Variants in FRMD4A observed in about 807,000 individuals in gnomAD.
FRMD4A encodes the protein FERM domain containing 4A.
FRMD4A carries 29 observed loss-of-function variants against 129.1 expected under a neutral mutation model. That is an observed-to-expected ratio of 0.22 (90% confidence interval 0.17 to 0.31). The LOEUF is 0.31. FRMD4A is among the 10% of genes least tolerant of loss of function. FRMD4A has a pLI of 1.00. For missense variants in FRMD4A, 1,272 were observed against 1,375.8 expected, an observed-to-expected ratio of 0.92 and a Z score of 1.19; for synonymous variants, 634 against 571.6, an observed-to-expected ratio of 1.11 and a Z score of -1.56.
chr10:14,294,314 G>T (rs188504006), intron 2 of FRMD4A, among the ~76,000 whole-genome samples: 22 of 152,246 alleles, frequency 1.4e-4, no homozygotes, highest in South Asian at 2.1e-4. Context: ...AAAACTCAAG[G>T]TCTCACAGAC....
At chr10:13,714,055 T>TATATATATATATATATATATAA (rs2088509358) in intron 12 of FRMD4A, among the ~76,000 whole-genome samples, 1 of 116,692 alleles carries the variant, frequency 8.6e-6, no homozygotes. Context: ...TATATATATA[T>TATATATATATATATATATATAA]ATATAAAATA....
chr10:13,657,643 C>A (rs541366545), intron 21 of FRMD4A, 121 bp from the exon 22 acceptor site: 2 of 1,362,178 alleles, frequency 1.5e-6, no homozygotes, highest in Non-Finnish European at 1.9e-6. Flanking sequence ...AGGCCCCAGC[C>A]CAGCAAGCCA....
chr10:13,824,321 CA>C (rs397721588), intron 3 of FRMD4A, among the ~76,000 whole-genome samples: 9,553 of 99,024 alleles, frequency 0.096, 362 homozygotes, highest in East Asian at 0.15. Flanking sequence ...ACTAAAAATA[CA>C]AAAAAAAAAA....
chr10:14,185,625 C>T (rs576902525), intron 2 of FRMD4A, among the ~76,000 whole-genome samples: 3 of 151,714 alleles, frequency 2.0e-5, no homozygotes, highest in Admixed American at 6.6e-5. Flanking sequence ...GGGATATATA[C>T]TTCATGGTCA....
At chr10:13,958,180 G>T (rs780725399) in intron 2 of FRMD4A, among the ~76,000 whole-genome samples, 5 of 150,736 alleles carry the variant, frequency 3.3e-5, no homozygotes, top group Non-Finnish European at 5.9e-5. Context: ...CTATCCTTTT[G>T]TGTTTCTTTC....
chr10:13,750,748 T>G (rs2091578716), intron 8 of FRMD4A, among the ~76,000 whole-genome samples: 1 of 152,186 alleles, frequency 6.6e-6, no homozygotes, highest in South Asian at 2.1e-4. Context: ...GTTCAGCCTC[T>G]CCTGGGTTTG....
chr10:13,906,788 T>C (rs565138846), intron 2 of FRMD4A, among the ~76,000 whole-genome samples: 13 of 152,326 alleles, frequency 8.5e-5, no homozygotes, highest in East Asian at 1.9e-4. Flanking sequence ...ACCAAGTGTA[T>C]GCTCCTTGCC....
chr10:13,946,338 C>A (rs571430979), intron 2 of FRMD4A, among the ~76,000 whole-genome samples: 1 of 152,326 alleles, frequency 6.6e-6, no homozygotes, highest in African/African-American at 2.4e-5. Flanking sequence ...GAATCCCTGT[C>A]CCTACCTCAG....
At chr10:13,670,372 T>C (rs1589290281) in intron 17 of FRMD4A, 34 bp downstream of exon 17, 1 of 1,606,916 alleles carries the variant, frequency 6.2e-7, no homozygotes, top group Middle Eastern at 1.7e-4. Context: ...AAGGATAACA[T>C]GAGAGAATCC....
intron 2 of FRMD4A, among the ~76,000 whole-genome samples, chr10:14,121,269 TAGAC>T (rs1838497285): frequency 6.6e-6 from 1 of 152,070 alleles, no homozygotes; most frequent in African/African-American, 2.4e-5. Context: ...TTGGAAGGCT[TAGAC>T]AGGAGAATTG....
intron 5 of FRMD4A, among the ~76,000 whole-genome samples, chr10:13,790,574 TAGTGCCAC>T (rs1169810307): frequency 6.6e-6 from 1 of 151,974 alleles, no homozygotes; most frequent in Non-Finnish European, 1.5e-5. Context: ...CAGGAGAGTG[TAGTGCCAC>T]AGAGCCGGGG....
At chr10:14,112,535 C>T (rs1272518970) in intron 2 of FRMD4A, among the ~76,000 whole-genome samples, 5 of 152,188 alleles carry the variant, frequency 3.3e-5, no homozygotes, top group African/African-American at 9.6e-5. Context: ...AAACTTTCTT[C>T]CTTTTTTTGA....
chr10:14,130,766 C>T (rs909122080), intron 2 of FRMD4A, among the ~76,000 whole-genome samples: 1 of 152,134 alleles, frequency 6.6e-6, no homozygotes, highest in Non-Finnish European at 1.5e-5. Context: ...GTGCCTATAT[C>T]GGTAAATACG....
At chr10:14,149,755 G>C (rs1032944746) in intron 2 of FRMD4A, among the ~76,000 whole-genome samples, 2 of 152,224 alleles carry the variant, frequency 1.3e-5, no homozygotes, top group African/African-American at 4.8e-5. Context: ...GAGATGGGCT[G>C]TGACTATCAG....
chr10:13,904,255 AC>A (rs33987496), intron 2 of FRMD4A, among the ~76,000 whole-genome samples: 137,802 of 152,054 alleles, frequency 0.91, 62,496 homozygotes, highest in Middle Eastern at 0.93. Context: ...GCCAAGGAGA[AC>A]GCTCCTACAG....
chr10:13,675,955 T>C (rs980287954), intron 15 of FRMD4A: 5 of 152,098 alleles, frequency 3.3e-5, no homozygotes, highest in East Asian at 1.9e-4. Flanking sequence ...CATGAGCAAA[T>C]TCCCTCCTAA....
intron 2 of FRMD4A, among the ~76,000 whole-genome samples, chr10:14,279,482 A>C (rs77669648): frequency 0.046 from 6,984 of 152,246 alleles, 211 homozygotes; most frequent in South Asian, 0.12. Context: ...TACAGGCATA[A>C]GCCACCGTGC....
At chr10:14,096,085 T>C (rs935620521) in intron 2 of FRMD4A, among the ~76,000 whole-genome samples, 2 of 152,204 alleles carry the variant, frequency 1.3e-5, no homozygotes, top group African/African-American at 4.8e-5. Context: ...CCCTCCAAAA[T>C]TCATATGTTG....
intron 6 of FRMD4A, among the ~76,000 whole-genome samples, chr10:13,778,211 G>C (rs1342707359): frequency 6.6e-6 from 1 of 151,866 alleles, no homozygotes; most frequent in Admixed American, 6.6e-5. Context: ...TCTGAACTTG[G>C]TTTCAAAGCG....
Sources: allele counts gnomAD v4.1 joint callset (sites outside exome capture counted in the v4.1 genomes callset), GRCh38; gene constraint gnomAD v4.1.1; transcripts MANE v1.5; gene names NCBI Gene and HGNC (gene_info 2026-07-23, HGNC 2026-07-21).